The following KCTD1 variants were observed in gnomAD, a reference collection of about 807,000 sequenced individuals.
The protein encoded by KCTD1 is potassium channel tetramerization domain containing 1, also known as BTB/POZ domain-containing protein KCTD1.
In KCTD1, 24 loss-of-function variants were observed where a neutral mutation model predicts 66.0. The observed-to-expected ratio is 0.36, with a 90% CI of 0.26 to 0.51. KCTD1 has a LOEUF of 0.51. KCTD1 is among the 20% of genes least tolerant of loss of function. The pLI is 0.95. For synonymous variants in KCTD1, 511 were observed against 517.2 expected (o/e 0.99, Z 0.16); for missense variants, 943 against 1,205.2 (o/e 0.78, Z 3.22).
intron 1 of KCTD1, among the ~76,000 whole-genome samples, chr18:26,608,389 G>C (rs1369800800): frequency 6.6e-6 from 1 of 152,138 alleles, no homozygotes; most frequent in Non-Finnish European, 1.5e-5. Context: ...CAGTTCTTTA[G>C]TTCAACCGAT....
Position 26,455,612 on chromosome 18 carries a change from A to G in KCTD1, c.*131T>C. On this transcript the variant is annotated 3_prime_UTR_variant, in exon 5 of 5. Coordinates refer to ENST00000580059, the MANE Select transcript of KCTD1 (RefSeq NM_001142730.3). The stretch of plus-strand genomic sequence containing the variant: ...TGAATACAGGTGTGGTCTCTATTGG[A>G]TATAAATGTGTCTTTTATTCGATTT... The G allele has an allele frequency of 9.5e-7, 1 of 1,053,104 alleles. No homozygotes were observed. The highest frequency in any genetic ancestry group is 1.4e-5 in the South Asian group (1 of 72,856). 65.2% of individuals were successfully genotyped at this position (1,053,104 alleles called of 1,614,324 possible).
chr18:26,639,335 C>T (rs1271803151), intron 1 of KCTD1, among the ~76,000 whole-genome samples: 1 of 152,286 alleles, frequency 6.6e-6, no homozygotes, highest in South Asian at 2.1e-4. Flanking sequence ...GCCAGTCTAT[C>T]TGGCTGAGGT....
intron 1 of KCTD1, among the ~76,000 whole-genome samples, chr18:26,539,922 T>C (rs1984895713): frequency 6.6e-6 from 1 of 152,218 alleles, no homozygotes; most frequent in African/African-American, 2.4e-5. Context: ...ATATTATCTA[T>C]GAACATTTTG....
intron 1 of KCTD1, among the ~76,000 whole-genome samples, chr18:26,567,713 T>C (rs905400730): frequency 3.9e-5 from 6 of 151,976 alleles, no homozygotes; most frequent in African/African-American, 1.5e-4. Flanking sequence ...GGTCTCTAAC[T>C]CCTAACTTCA....
At chr18:26,562,442 G>A (rs1325517183) in intron 1 of KCTD1, among the ~76,000 whole-genome samples, 6 of 124,338 alleles carry the variant, frequency 4.8e-5, no homozygotes, top group African/African-American at 1.7e-4. Flanking sequence ...GTGGGGGGGT[G>A]GGGGCGGGGG....
upstream of KCTD1, among the ~76,000 whole-genome samples, chr18:26,642,009 C>T (rs1200739086): frequency 6.6e-6 from 1 of 152,168 alleles, no homozygotes; most frequent in African/African-American, 2.4e-5. Flanking sequence ...TACTACATGC[C>T]GGGCACTATG....
chr18:26,510,496 C>G (rs887223158), intron 1 of KCTD1, among the ~76,000 whole-genome samples: 1 of 152,178 alleles, frequency 6.6e-6, no homozygotes, highest in Non-Finnish European at 1.5e-5. Context: ...GGCGTTACTG[C>G]TGTTTATCTA....
chr18:26,598,249 C>T (rs965110890), intron 1 of KCTD1, among the ~76,000 whole-genome samples: 20 of 152,190 alleles, frequency 1.3e-4, no homozygotes, highest in African/African-American at 4.6e-4. Context: ...AGCTCGTTTA[C>T]AAGGTTCATC....
At chr18:26,481,451 T>C (rs1198041656) in intron 2 of KCTD1, among the ~76,000 whole-genome samples, 1 of 152,144 alleles carries the variant, frequency 6.6e-6, no homozygotes, top group Admixed American at 6.5e-5. Context: ...GTGATTACTC[T>C]CTATTGGGGT....
chr18:26,634,959 C>A (rs1987693407), intron 1 of KCTD1, among the ~76,000 whole-genome samples: 1 of 152,016 alleles, frequency 6.6e-6, no homozygotes, highest in African/African-American at 2.4e-5. Flanking sequence ...TGCCAAGAGA[C>A]TCAGAAAGCA....
intron 1 of KCTD1, among the ~76,000 whole-genome samples, chr18:26,639,254 C>T (rs753057520): frequency 3.3e-5 from 5 of 152,230 alleles, no homozygotes; most frequent in Admixed American, 6.5e-5. Flanking sequence ...CGATGCAGGA[C>T]ACAGCATCTG....
chr18:26,499,580 T>C (rs929728658), intron 2 of KCTD1, among the ~76,000 whole-genome samples: 4 of 152,252 alleles, frequency 2.6e-5, no homozygotes, highest in African/African-American at 9.6e-5. Flanking sequence ...TCTTTCTTCT[T>C]TCCAACCTTC....
intron 1 of KCTD1, chr18:26,566,171 A>G (rs1425491323): frequency 1.3e-5 from 2 of 152,186 alleles, no homozygotes; most frequent in African/African-American, 4.8e-5. Context: ...GCTGTAATCA[A>G]ATATTGTTTC....
intron 3 of KCTD1, among the ~76,000 whole-genome samples, chr18:26,472,083 T>A (rs560538021): frequency 6.6e-6 from 1 of 151,898 alleles, no homozygotes; most frequent in Admixed American, 6.6e-5. Context: ...TTTACTGAGA[T>A]AGGATACAAA....
chr18:26,643,765 A>G (rs142642493), upstream of KCTD1, among the ~76,000 whole-genome samples: 5 of 152,296 alleles, frequency 3.3e-5, no homozygotes, highest in East Asian at 3.9e-4. Flanking sequence ...GATGGAGACC[A>G]TCCTGGCTAA....
At chr18:26,460,011 C>A (rs1450857344) in intron 3 of KCTD1, 86 bp from the exon 4 acceptor site, 2 of 1,017,820 alleles carry the variant, frequency 2.0e-6, no homozygotes, top group East Asian at 2.4e-5. Context: ...TTTTTTTCCA[C>A]TTCTTGTTAT....
At chr18:26,486,404 T>C (rs1357249616) in intron 2 of KCTD1, among the ~76,000 whole-genome samples, 2 of 152,248 alleles carry the variant, frequency 1.3e-5, no homozygotes, top group East Asian at 1.9e-4. Context: ...TCCCAGCTCC[T>C]TTCCTGCTCT....
rs143506736 is a variant in KCTD1 at position 26,509,354 on chromosome 18, T to C, written c.1810-8104A>G. The stretch of plus-strand genomic sequence containing the variant: ...TTCACAGGAGCCCCCTTCAAATTCA[T>C]AGAGACTACTTATTCTTTTTTTTAA... On this transcript the variant is annotated intron_variant, in intron 1 of 4. Coordinates refer to ENST00000580059, the MANE Select transcript of KCTD1 (RefSeq NM_001142730.3). Among the ~76,000 whole-genome samples, 635 of 152,182 alleles carry C rather than the reference T, an allele frequency of 4.2e-3. 5 individuals carry two copies. The highest frequency in any genetic ancestry group is 0.015 in the African/African-American group (611 of 41,564).
At chr18:26,488,844 G>A (rs796931933) in intron 2 of KCTD1, among the ~76,000 whole-genome samples, 11 of 152,360 alleles carry the variant, frequency 7.2e-5, no homozygotes, top group African/African-American at 2.6e-4. Context: ...TATCCAACGA[G>A]TGTCTTTTCC....
Sources: gnomAD v4.1 joint callset for allele counts (sites outside exome capture counted in the v4.1 genomes callset) on GRCh38, gnomAD v4.1.1 for gene constraint, MANE v1.5 for transcripts, NCBI Gene and HGNC (gene_info 2026-07-23, HGNC 2026-07-21) for gene names.